The following MDGA2 variants were observed in gnomAD, a reference collection of about 807,000 sequenced individuals.
MDGA2 encodes the protein MAM domain-containing glycosylphosphatidylinositol anchor protein 2.
A neutral mutation model predicts 117.8 loss-of-function variants in MDGA2; 40 were observed. That is an observed-to-expected ratio of 0.34 (90% CI 0.26 to 0.44). The LOEUF is 0.44. Ranked by LOEUF, MDGA2 falls within the 20% of genes least tolerant of loss-of-function variation. MDGA2 has a pLI of 1.00. For synonymous variants in MDGA2, 452 were observed against 439.0 expected (o/e 1.03, Z -0.37); for missense variants, 1,123 against 1,250.6 (o/e 0.90, Z 1.54).
rs111344919 is a variant in MDGA2, at chr14:47,334,389, G to GT, written c.281-32840dup. ...TATTTTTTAAAAGCAAGTTTCTGGA[G>GT]TAAGGTAGCATAGCTTTTAGTTCAT... On this transcript the variant is annotated intron_variant, in intron 1 of 16. Transcript: ENST00000399232. 7.0e-4 allele frequency among the ~76,000 whole-genome samples: 106 copies of GT among 151,942 alleles called. 2 individuals carry two copies. Among genetic ancestry groups the GT allele is most frequent in the African/African-American group, 2.0e-3 (85 of 41,512 alleles).
At chr14:47,067,715 T>A (rs1367758408) in intron 6 of MDGA2, among the ~76,000 whole-genome samples, 1 of 152,222 alleles carries the variant, frequency 6.6e-6, no homozygotes, top group Non-Finnish European at 1.5e-5. Context: ...CATCAGCTTT[T>A]GTACAACTCT....
intron 2 of MDGA2, among the ~76,000 whole-genome samples, chr14:47,259,102 T>C (rs1887713419): frequency 6.6e-6 from 1 of 151,944 alleles, no homozygotes; most frequent in South Asian, 2.1e-4. Context: ...CATTTGTTTG[T>C]TTAGTGCCCT....
chr14:46,956,382 A>C (rs1885562063), intron 9 of MDGA2, among the ~76,000 whole-genome samples: 2 of 152,092 alleles, frequency 1.3e-5, no homozygotes, highest in African/African-American at 4.8e-5. Flanking sequence ...AAATAATTAC[A>C]TAAGACATAA....
chr14:47,211,736 G>GAAGT (rs1885891897), intron 3 of MDGA2, among the ~76,000 whole-genome samples: 1 of 152,162 alleles, frequency 6.6e-6, no homozygotes, highest in African/African-American at 2.4e-5. Flanking sequence ...AGAACTGCCA[G>GAAGT]GGAGAATTCT....
chr14:47,098,734 T>C (rs1224760950), intron 5 of MDGA2, among the ~76,000 whole-genome samples: 1 of 151,964 alleles, frequency 6.6e-6, no homozygotes, highest in Non-Finnish European at 1.5e-5. Flanking sequence ...ATTTATATCA[T>C]ATTAACAGAT....
At chr14:47,146,212 T>A (rs1022109392) in intron 3 of MDGA2, among the ~76,000 whole-genome samples, 2 of 152,184 alleles carry the variant, frequency 1.3e-5, no homozygotes, top group Non-Finnish European at 2.9e-5. Context: ...CCCCATTTTT[T>A]AAAAAGTTTT....
chr14:47,491,543 C>A (rs1383582314), intron 1 of MDGA2, among the ~76,000 whole-genome samples: 1 of 152,100 alleles, frequency 6.6e-6, no homozygotes, highest in African/African-American at 2.4e-5. Context: ...AGAAGACTTA[C>A]TCCTTAGCCA....
At chr14:47,473,416 T>C (rs2138619843) in intron 1 of MDGA2, among the ~76,000 whole-genome samples, 1 of 152,284 alleles carries the variant, frequency 6.6e-6, no homozygotes, top group Middle Eastern at 3.4e-3. Context: ...TAAGAGAATA[T>C]ATTGTACTCT....
At chr14:47,052,525 T>C (rs1023596826) in intron 7 of MDGA2, among the ~76,000 whole-genome samples, 4 of 151,854 alleles carry the variant, frequency 2.6e-5, no homozygotes, top group Non-Finnish European at 4.4e-5. Context: ...CAATTTTATG[T>C]GAAAAATTCT....
At chr14:47,507,647 T>C (rs1894542577) in intron 1 of MDGA2, among the ~76,000 whole-genome samples, 2 of 152,188 alleles carry the variant, frequency 1.3e-5, no homozygotes, top group South Asian at 4.1e-4. Context: ...TTTCAACTTG[T>C]CCCTAGTGAT....
chr14:47,248,595 G>C (rs8013160), intron 2 of MDGA2, among the ~76,000 whole-genome samples: 35,278 of 147,074 alleles, frequency 0.24, 5,480 homozygotes, highest in East Asian at 0.44. Context: ...AGTCAAAATT[G>C]GCAGATGGCT....
chr14:47,459,511 C>T (rs551218599), intron 1 of MDGA2, among the ~76,000 whole-genome samples: 4 of 150,704 alleles, frequency 2.7e-5, no homozygotes, highest in Non-Finnish European at 4.4e-5. Flanking sequence ...TCCCTCCCTC[C>T]GTCCCTCTCT....
At chr14:47,321,788 T>G (rs539320211) in intron 1 of MDGA2, among the ~76,000 whole-genome samples, 1 of 152,220 alleles carries the variant, frequency 6.6e-6, no homozygotes, top group Non-Finnish European at 1.5e-5. Flanking sequence ...TAAATTTCCA[T>G]AAACTTTTTG....
chr14:47,444,133 C>A lies in MDGA2; in HGVS notation c.281-142583G>T. 3 of 211,312 alleles carry A rather than the reference C, an allele frequency of 1.4e-5. No individual in the cohort carries two copies. In the South Asian group the frequency reaches 2.5e-4, roughly 18 times the overall value. 13.1% of individuals were successfully genotyped at this position (211,312 alleles called of 1,614,324 possible). A position where few individuals can be genotyped will look rare whatever the true frequency, so the allele number is the denominator to read the frequency against. ...AGAAAAATAATCCCCAGGATTTTCC[C>A]TACTGTGCACTTTCATCTTGCTCCT... On this transcript the variant is annotated intron_variant, in intron 1 of 16. Coordinates refer to ENST00000399232, the MANE Select transcript of MDGA2 (RefSeq NM_001113498.3).
intron 1 of MDGA2, among the ~76,000 whole-genome samples, chr14:47,443,868 G>A (rs1893066302): frequency 6.6e-6 from 1 of 152,048 alleles, no homozygotes; most frequent in Non-Finnish European, 1.5e-5. Context: ...AACTCCCAAG[G>A]ATGTTCTTCA....
intron 8 of MDGA2, among the ~76,000 whole-genome samples, chr14:47,030,468 C>G (rs996050285): frequency 9.2e-5 from 14 of 151,832 alleles, no homozygotes; most frequent in Admixed American, 2.0e-4. Flanking sequence ...GAGCTGGGAT[C>G]ACGCCACTGC....
intron 2 of MDGA2, among the ~76,000 whole-genome samples, chr14:47,232,329 G>T (rs17573809): frequency 1.3e-5 from 2 of 151,556 alleles, no homozygotes; most frequent in Non-Finnish European, 2.9e-5. Context: ...GGTAGGGAGA[G>T]TTACTTTGGA....
rs1348889831 is a variant in MDGA2, at chr14:46,942,975, A to G, written c.2089+14399T>C. On this transcript the variant is annotated intron_variant, in intron 9 of 16. Coordinates refer to ENST00000399232, the MANE Select transcript of MDGA2 (RefSeq NM_001113498.3). ...TGTTTTTTATCTCCATATTCTATCAATCACGAATAAATGGGTATTAAAATC... is the reference window on the plus strand; with the variant it reads ...TGTTTTTTATCTCCATATTCTATCAGTCACGAATAAATGGGTATTAAAATC... Among the ~76,000 whole-genome samples, 3 of 152,102 alleles carry G rather than the reference A, an allele frequency of 2.0e-5. No individual in the cohort carries two copies. In the East Asian group the frequency reaches 5.8e-4, roughly 29 times the overall value.
intron 1 of MDGA2, among the ~76,000 whole-genome samples, chr14:47,352,089 A>G (rs1400745439): frequency 6.6e-6 from 1 of 152,184 alleles, no homozygotes; most frequent in Non-Finnish European, 1.5e-5. Context: ...ATTCATTGAA[A>G]TAACATTTAT....
Sources: allele counts gnomAD v4.1 joint callset (sites outside exome capture counted in the v4.1 genomes callset), GRCh38; gene constraint gnomAD v4.1.1; transcripts MANE v1.5; gene names NCBI Gene and HGNC (gene_info 2026-07-23, HGNC 2026-07-21).